Variants in KIAA1549L observed in about 807,000 individuals in gnomAD.
The protein encoded by KIAA1549L is KIAA1549 like.
In KIAA1549L, 88 loss-of-function variants were observed where a neutral mutation model predicts 160.7. The ratio of observed to expected loss-of-function variants is 0.55; its 90% CI spans 0.46 to 0.65. The LOEUF (loss-of-function observed/expected upper bound fraction) is 0.65, where lower values mean the gene tolerates loss of function less well. Ranked by LOEUF, KIAA1549L falls within the 30% of genes least tolerant of loss-of-function variation. KIAA1549L has a pLI of 0.00. For missense variants in KIAA1549L, 2,258 were observed against 2,437.5 expected (o/e 0.93, Z 1.55); for synonymous variants, 950 against 976.7 (o/e 0.97, Z 0.51).
intron 8 of KIAA1549L, among the ~76,000 whole-genome samples, chr11:33,562,039 G>A (rs1854876277): frequency 6.6e-6 from 1 of 152,174 alleles, no homozygotes; most frequent in African/African-American, 2.4e-5. Flanking sequence ...ATAGTGAATG[G>A]TTATCAGTTT....
intron 1 of KIAA1549L, among the ~76,000 whole-genome samples, chr11:33,407,749 C>CAGTGA (rs200726311): frequency 0.021 from 3,192 of 152,278 alleles, 51 homozygotes; most frequent in Non-Finnish European, 0.032. Context: ...GTTTGCCTTG[C>CAGTGA]AGTGAAGCAG....
At chr11:33,651,136 G>A (rs1048639403) in intron 17 of KIAA1549L, among the ~76,000 whole-genome samples, 1 of 152,126 alleles carries the variant, frequency 6.6e-6, no homozygotes, top group African/African-American at 2.4e-5. Context: ...GAGTATTTTA[G>A]GACTTAGATA....
At chr11:33,657,054 C>T (rs1852090118) in intron 18 of KIAA1549L, among the ~76,000 whole-genome samples, 1 of 152,130 alleles carries the variant, frequency 6.6e-6, no homozygotes, top group Non-Finnish European at 1.5e-5. Context: ...GCTTATCGAG[C>T]ATAACTCAGA....
chr11:33,431,921 G>A (rs1259553791), intron 1 of KIAA1549L, among the ~76,000 whole-genome samples: 1 of 152,234 alleles, frequency 6.6e-6, no homozygotes, highest in African/African-American at 2.4e-5. Flanking sequence ...ACGAGAAATC[G>A]AGCTCAGCGC....
At chr11:33,560,969 AT>A (rs146100673) in intron 7 of KIAA1549L, among the ~76,000 whole-genome samples, 3,262 of 152,266 alleles carry the variant, frequency 0.021, 53 homozygotes, top group Non-Finnish European at 0.033. Flanking sequence ...TGAAGACTTT[AT>A]TTTCCATCAT....
intron 9 of KIAA1549L, among the ~76,000 whole-genome samples, chr11:33,572,046 T>A (rs116804712): frequency 1.1e-4 from 17 of 149,608 alleles, no homozygotes; most frequent in African/African-American, 3.6e-4. Context: ...GAACTTTTTT[T>A]TTTTTTTTGA....
intron 13 of KIAA1549L, 74 bp from the exon 14 acceptor site, chr11:33,606,567 G>A: frequency 6.8e-7 from 1 of 1,461,140 alleles, no homozygotes; most frequent in Non-Finnish European, 9.4e-7. Context: ...TAGGCTGTGA[G>A]TCTAACATAA....
chr11:33,411,030 T>A (rs560816641), intron 1 of KIAA1549L, among the ~76,000 whole-genome samples: 3 of 150,860 alleles, frequency 2.0e-5, no homozygotes, highest in Non-Finnish European at 4.4e-5. Flanking sequence ...TTTAGGGGAG[T>A]GGAGCAGGCA....
Position 33,509,712 on chromosome 11 carries a change from T to G in KIAA1549L, c.239-32090T>G, listed in dbSNP as rs577222980. On this transcript the variant is annotated intron_variant, in intron 1 of 20. Transcript: ENST00000658780. ...ATGTCACTTTTTTAATTGCAGAAGC[T>G]ATTCCTCTGAAGCATACACCTGCCG... Among the ~76,000 whole-genome samples, 5 of 152,342 alleles carry G rather than the reference T, an allele frequency of 3.3e-5. No individual in the cohort carries two copies. In the East Asian group the frequency reaches 9.6e-4, roughly 29 times the overall value.
chr11:33,397,832 A>G (rs1285483745), intron 1 of KIAA1549L, among the ~76,000 whole-genome samples: 1 of 150,500 alleles, frequency 6.6e-6, no homozygotes, highest in Non-Finnish European at 1.5e-5. Flanking sequence ...GAAATTTTTG[A>G]AAGGAAAAAT....
chr11:33,407,081 ATTTTTTTT>A (rs750670251), intron 1 of KIAA1549L, among the ~76,000 whole-genome samples: 8 of 100,136 alleles, frequency 8.0e-5, no homozygotes, highest in East Asian at 6.3e-4. Context: ...TTCTTTTTTC[ATTTTTTTT>A]TTTTTTTTTT....
intron 16 of KIAA1549L, 61 bp from the exon 17 acceptor site, chr11:33,645,625 T>C: frequency 1.6e-6 from 2 of 1,235,418 alleles, no homozygotes; most frequent in Non-Finnish European, 2.3e-6. Context: ...TAGAGTAAAT[T>C]ACAGAGCACC....
intron 16 of KIAA1549L, among the ~76,000 whole-genome samples, chr11:33,634,093 A>G (rs1262317808): frequency 6.6e-6 from 1 of 150,662 alleles, no homozygotes; most frequent in Non-Finnish European, 1.5e-5. Flanking sequence ...CCCAGGCTGG[A>G]GTGCAGTGGC....
Position 33,545,465 on chromosome 11 carries a change from A to G in KIAA1549L, c.3385+87A>G, listed in dbSNP as rs192725344. The stretch of plus-strand genomic sequence containing the variant: ...GTTTATTTTAGATCAGTGGTCCTCA[A>G]CCAGGGGACATTTTTCCACCCTCCC... On this transcript the variant is annotated intron_variant, in intron 3 of 20. Transcript: ENST00000658780. 62 of 1,423,052 alleles carry G rather than the reference A, an allele frequency of 4.4e-5. No individual in the cohort carries two copies. In the Admixed American group the frequency reaches 1.3e-3, roughly 29 times the overall value. The allele number at this position is 1,423,052 out of a possible 1,614,324, so 88.2% of individuals were successfully genotyped here. A position where few individuals can be genotyped will look rare whatever the true frequency, so the allele number is the denominator to read the frequency against.
chr11:33,382,534 A>G (rs1850092592), intron 1 of KIAA1549L, among the ~76,000 whole-genome samples: 1 of 152,104 alleles, frequency 6.6e-6, no homozygotes, highest in African/African-American at 2.4e-5. Flanking sequence ...GAGGTGGGCC[A>G]AGGGAGGGTT....
intron 1 of KIAA1549L, among the ~76,000 whole-genome samples, chr11:33,460,181 G>A (rs1851914304): frequency 1.3e-5 from 2 of 152,100 alleles, no homozygotes; most frequent in African/African-American, 4.8e-5. Flanking sequence ...CACAGCAAAT[G>A]ACAATCCCAA....
At chr11:33,574,614 C>A in intron 9 of KIAA1549L, 88 bp from the exon 10 acceptor site, 1 of 1,275,734 alleles carries the variant, frequency 7.8e-7, no homozygotes, top group Non-Finnish European at 1.1e-6. Context: ...CTTCAGCAGT[C>A]AGGAGAGGAA....
At chr11:33,570,129 G>A (rs1029521005) in intron 9 of KIAA1549L, among the ~76,000 whole-genome samples, 6 of 151,098 alleles carry the variant, frequency 4.0e-5, no homozygotes, top group African/African-American at 7.3e-5. Flanking sequence ...TCAGCCTCCC[G>A]AATAGCTGGG....
intron 1 of KIAA1549L, among the ~76,000 whole-genome samples, chr11:33,393,533 CG>C (rs1850311332): frequency 6.6e-6 from 1 of 152,192 alleles, no homozygotes; most frequent in African/African-American, 2.4e-5. Flanking sequence ...AGGACACACA[CG>C]GTTATTAGCC....
Sources: allele counts gnomAD v4.1 joint callset (sites outside exome capture counted in the v4.1 genomes callset), GRCh38; gene constraint gnomAD v4.1.1; transcripts MANE v1.5; gene names NCBI Gene and HGNC (gene_info 2026-07-23, HGNC 2026-07-21).